The following RBM20 variants were observed in gnomAD, a reference collection of about 807,000 sequenced individuals.
The protein encoded by RBM20 is RNA-binding protein 20.
Under a neutral mutation model 110.1 loss-of-function variants are expected in RBM20, and 51 were observed. The ratio of observed to expected loss-of-function variants is 0.46; its 90% confidence interval spans 0.37 to 0.59. The LOEUF is 0.59. Among genes scored for constraint, RBM20 ranks in the 20% least tolerant of loss-of-function variants. The probability of loss-of-function intolerance (pLI) is 0.00; values close to 1 mark genes in which losing one functional copy is unlikely to be tolerated. For synonymous variants in RBM20, 589 were observed against 618.2 expected (o/e 0.95, Z 0.70); for missense variants, 1,512 against 1,574.9 (o/e 0.96, Z 0.68).
At position 110,726,319 on chromosome 10, in the gene RBM20, C is replaced by T. The variant is rs1843560017; in HGVS notation, c.192-54482C>T. The stretch of plus-strand genomic sequence containing the variant: ...CAGCATCTCTACAGCATCATATTTT[C>T]TCCGTACTAGAGCACTTTCTAAGGT... On this transcript the variant is annotated intron_variant, in intron 1 of 13. Coordinates refer to ENST00000369519, the MANE Select transcript of RBM20 (RefSeq NM_001134363.3). Among the ~76,000 whole-genome samples the T allele has an allele frequency of 1.3e-5, 2 of 152,312 alleles. 1 individual carries two copies.
chr10:110,776,982 TG>T lies in RBM20; in HGVS notation c.192-3816del, dbSNP rs1844273625. On this transcript the variant is annotated intron_variant, in intron 1 of 13. Transcript: ENST00000369519. ...TAGATTGTCCTTTTTGAGCTGTTTG[TG>T]GGTTTTTCTCCACAGAATTGGGTAC... Among the ~76,000 whole-genome samples, 3 of 152,206 alleles carry T rather than the reference TG, an allele frequency of 2.0e-5. No homozygotes were observed. In the South Asian group the frequency reaches 6.2e-4, roughly 31 times the overall value.
At chr10:110,710,677 C>G (rs1413522976) in intron 1 of RBM20, among the ~76,000 whole-genome samples, 1 of 152,244 alleles carries the variant, frequency 6.6e-6, no homozygotes, top group African/African-American at 2.4e-5. Flanking sequence ...ATGGGGCTTC[C>G]TTTTTCCAAA....
Position 110,675,681 on chromosome 10 carries a change from T to G in RBM20, c.191+31036T>G, listed in dbSNP as rs1226593507. ...AAAGCCCCTGTTGAGATTAACATAG[T>G]CCCCCTCAAGTTCTAAGGGAGCCCC... On this transcript the variant is annotated intron_variant, in intron 1 of 13. Transcript: ENST00000369519. 3.3e-5 allele frequency among the ~76,000 whole-genome samples: 5 copies of G among 152,152 alleles called. No individual in the cohort carries two copies. The East Asian group carries it at 9.7e-4, about 29-fold the overall frequency.
At chr10:110,719,336 C>G (rs1355247398) in intron 1 of RBM20, among the ~76,000 whole-genome samples, 1 of 152,228 alleles carries the variant, frequency 6.6e-6, no homozygotes, top group Non-Finnish European at 1.5e-5. Flanking sequence ...GCACCCTTCA[C>G]AGAGGTCTTG....
intron 1 of RBM20, among the ~76,000 whole-genome samples, chr10:110,766,914 G>A (rs1310244812): frequency 0.032 from 4,688 of 145,370 alleles, 91 homozygotes; most frequent in African/African-American, 0.11. Flanking sequence ...GGGCAGAGGC[G>A]CCCCTCACCT....
chr10:110,698,235 C>T (rs1471054794), intron 1 of RBM20, among the ~76,000 whole-genome samples: 1 of 133,240 alleles, frequency 7.5e-6, no homozygotes, highest in Non-Finnish European at 1.7e-5. Flanking sequence ...TTATCACAGG[C>T]CCTATGGGCA....
intron 1 of RBM20, among the ~76,000 whole-genome samples, chr10:110,714,676 G>A (rs1228828255): frequency 6.6e-6 from 1 of 152,228 alleles, no homozygotes; most frequent in Non-Finnish European, 1.5e-5. Context: ...GTCACCAGTA[G>A]GAGCAGCAGA....
intron 1 of RBM20, among the ~76,000 whole-genome samples, chr10:110,716,925 A>G (rs201430554): frequency 5.8e-4 from 17 of 29,362 alleles, no homozygotes; most frequent in African/African-American, 3.8e-3. Flanking sequence ...AAAAAAAAGA[A>G]AAAAAAAAAA....
In RBM20 at chr10:110,781,748, G is replaced by A. The variant is rs777080028; in HGVS notation, c.1139G>A (p.Arg380Gln). Residue 380 changes from arginine to glutamine, a missense_variant, in exon 2 of 14, where the codon CGG (arginine) becomes CAG (glutamine). Physicochemically the swap from Arg to Gln is conservative, Grantham distance 43. Transcript: ENST00000369519. Reference protein sequence around the residue: ...NSKQGFIGAGRRAKEDQALLS... With the variant: ...NSKQGFIGAGQRAKEDQALLS... ...AAACAGGGTTTTATCGGTGCTGGGC[G>A]GAGGGCCAAGGAGGACCAGGCGTTG... The A allele has an allele frequency of 2.8e-5, 43 of 1,551,842 alleles. 1 individual carries two copies. The highest frequency in any genetic ancestry group is 3.3e-4 in the Middle Eastern group (2 of 5,994).
Position 110,835,903 on chromosome 10 carries a change from G to A in RBM20, c.3609G>A (p.Lys1203=), listed in dbSNP as rs892459274. The change falls in exon 14 of 14, where the codon AAG becomes AAA. Residue 1203 remains lysine, a synonymous_variant. Coordinates refer to ENST00000369519, the MANE Select transcript of RBM20 (RefSeq NM_001134363.3). The part of the protein sequence containing the change: ...YLSQLAEEGL[K]ETEGADSPRP... ...CCCAGCTGGCCGAGGAGGGCCTCAA[G>A]GAGACCGAGGGGGCAGATAGCCCGA... The A allele has an allele frequency of 9.7e-6, 15 of 1,545,620 alleles. No individual in the cohort carries two copies. The highest frequency in any genetic ancestry group is 1.2e-5 in the Non-Finnish European group (14 of 1,141,988).
intron 7 of RBM20, among the ~76,000 whole-genome samples, chr10:110,806,546 C>G (rs936129999): frequency 2.0e-5 from 3 of 152,074 alleles, no homozygotes; most frequent in African/African-American, 7.2e-5. Context: ...CATTAAAAAC[C>G]ACCCACATGA....
At chr10:110,656,922 C>A (rs1313241517) in intron 1 of RBM20, among the ~76,000 whole-genome samples, 2 of 152,048 alleles carry the variant, frequency 1.3e-5, no homozygotes, top group Non-Finnish European at 2.9e-5. Context: ...GTGAATAGTG[C>A]TACTGTGAAC....
chr10:110,722,781 G>A (rs951325538), intron 1 of RBM20, among the ~76,000 whole-genome samples: 2 of 152,134 alleles, frequency 1.3e-5, no homozygotes, highest in Admixed American at 1.3e-4. Flanking sequence ...TGACAAAGGA[G>A]CTCTAGGGCT....
intron 7 of RBM20, among the ~76,000 whole-genome samples, 188 bp downstream of exon 7, chr10:110,800,106 A>G (rs1263557285): frequency 6.6e-6 from 1 of 152,214 alleles, no homozygotes; most frequent in African/African-American, 2.4e-5. Flanking sequence ...TGAGGTAAAT[A>G]CAAAGTGCAA....
chr10:110,678,147 A>G (rs1017801122), intron 1 of RBM20, among the ~76,000 whole-genome samples: 1 of 152,260 alleles, frequency 6.6e-6, no homozygotes, highest in Admixed American at 6.5e-5. Context: ...GATTTCTTTC[A>G]ACCTTATCTT....
chr10:110,647,620 A>G (rs1041726534), intron 1 of RBM20, among the ~76,000 whole-genome samples: 2 of 152,198 alleles, frequency 1.3e-5, no homozygotes, highest in African/African-American at 4.8e-5. Flanking sequence ...ATAATTTGAG[A>G]ACTTAACAAA....
intron 6 of RBM20, among the ~76,000 whole-genome samples, chr10:110,798,640 G>T (rs547665105): frequency 6.6e-6 from 1 of 152,298 alleles, no homozygotes; most frequent in South Asian, 2.1e-4. Flanking sequence ...TGACTTCTTA[G>T]TCGCCCACGC....
chr10:110,707,242 CAT>C (rs1862853968), intron 1 of RBM20, among the ~76,000 whole-genome samples: 1 of 152,120 alleles, frequency 6.6e-6, no homozygotes, highest in Non-Finnish European at 1.5e-5. Context: ...AAAAACATCT[CAT>C]GTTGTAAATA....
intron 1 of RBM20, among the ~76,000 whole-genome samples, chr10:110,775,693 C>A (rs548333080): frequency 6.6e-6 from 1 of 152,282 alleles, no homozygotes; most frequent in African/African-American, 2.4e-5. Context: ...CACAGTCAGT[C>A]CACTCCTGCA....
Sources: allele counts gnomAD v4.1 joint callset (sites outside exome capture counted in the v4.1 genomes callset), GRCh38; gene constraint gnomAD v4.1.1; transcripts MANE v1.5; gene names NCBI Gene and HGNC (gene_info 2026-07-23, HGNC 2026-07-21).